FMN2: variants seen among roughly 807,000 people sequenced by gnomAD.
FMN2 encodes the protein formin 2.
Under a neutral mutation model 142.3 loss-of-function variants are expected in FMN2, and 51 were observed. That is an observed-to-expected ratio of 0.36 (90% CI 0.29 to 0.45). The LOEUF (loss-of-function observed/expected upper bound fraction) is 0.45. Ranked by LOEUF, FMN2 falls within the 20% of genes least tolerant of loss-of-function variation. The probability of loss-of-function intolerance (pLI) is 1.00; values close to 1 mark genes in which losing one functional copy is unlikely to be tolerated. For synonymous variants in FMN2, 882 were observed against 869.8 expected (o/e 1.01, Z -0.25); for missense variants, 1,936 against 2,122.8 (o/e 0.91, Z 1.73).
chr1:240,208,532 A>G lies in FMN2; in HGVS notation c.3720A>G (p.Val1240=). 1.2e-6 allele frequency: 2 copies of G among 1,611,994 alleles called. No individual in the cohort carries two copies. Among genetic ancestry groups the G allele is most frequent in the South Asian group, 1.1e-5 (1 of 90,942 alleles). Residue 1240 remains valine (V), a synonymous_variant, in exon 5 of 18, where the codon GTA becomes GTG. Transcript: ENST00000319653. ...TCCCACCGCCCCCTCTGCTTCCTGT[A>G]TCAGGCCCTCCACTCCTCCCACAAG... ...TGIPPPPLLP[V]SGPPLLPQVG...
chr1:240,107,161 C>A (rs1021284085), intron 1 of FMN2, among the ~76,000 whole-genome samples: 3 of 151,818 alleles, frequency 2.0e-5, no homozygotes, highest in African/African-American at 7.3e-5. Flanking sequence ...GGAAGCCATC[C>A]CTTACAGAAT....
In FMN2 at chr1:240,474,941, TCTTA is replaced by T. The variant is rs2103254037; in HGVS notation, c.*791_*794del. On this transcript the variant is annotated 3_prime_UTR_variant, in exon 18 of 18. Transcript: ENST00000319653. ...GTTTGTATTTATGTAAAGTATGGTCTCTTACTTTTTAGTTTGTAGTTTAAGTGCA... is the reference window on the plus strand; with the variant it reads ...GTTTGTATTTATGTAAAGTATGGTCTCTTTTTAGTTTGTAGTTTAAGTGCA... 1 of 152,648 alleles carries T rather than the reference TCTTA, an allele frequency of 6.6e-6. No homozygotes were observed. The highest frequency in any genetic ancestry group is 1.9e-4 in the East Asian group (1 of 5,202). 9.5% of individuals were successfully genotyped at this position (152,648 alleles called of 1,614,324 possible).
At chr1:240,445,542 T>A (rs1675776102) in intron 16 of FMN2, among the ~76,000 whole-genome samples, 1 of 152,032 alleles carries the variant, frequency 6.6e-6, no homozygotes, top group African/African-American at 2.4e-5. Flanking sequence ...ATGGTAAGGA[T>A]GTTCACGGCA....
chr1:240,402,823 A>C lies in FMN2; in HGVS notation c.4910+10261A>C, dbSNP rs145726836. Reference sequence around the variant, plus strand: ...CCTTTATATTTAAATTTAAAAAATAATGAGACTGGGAATGATAAAATCTGC... The same window carrying C: ...CCTTTATATTTAAATTTAAAAAATACTGAGACTGGGAATGATAAAATCTGC... On this transcript the variant is annotated intron_variant, in intron 15 of 17. Coordinates refer to ENST00000319653, the MANE Select transcript of FMN2 (RefSeq NM_020066.5). Among the ~76,000 whole-genome samples the C allele has an allele frequency of 1.0e-3, 155 of 152,358 alleles. 1 individual carries two copies. The highest frequency in any genetic ancestry group is 2.0e-3 in the Non-Finnish European group (135 of 68,036).
chr1:240,432,533 A>G (rs1057136352), intron 15 of FMN2, among the ~76,000 whole-genome samples: 10 of 151,780 alleles, frequency 6.6e-5, no homozygotes, highest in South Asian at 2.1e-4. Flanking sequence ...TTCTTCTACT[A>G]AGTTGGGTTT....
Position 240,207,611 on chromosome 1 carries a change from TCTGCCCCCTCTAC to T in FMN2, c.2801_2813del (p.Leu934ProfsTer337). 1 of 1,561,444 alleles carries T rather than the reference TCTGCCCCCTCTAC, an allele frequency of 6.4e-7. No individual in the cohort carries two copies. Among genetic ancestry groups the T allele is most frequent in the African/African-American group, 1.5e-5 (1 of 65,260 alleles). On this transcript the variant is annotated frameshift_variant, in exon 5 of 18. Transcript: ENST00000319653. LOFTEE classifies it high-confidence loss of function. ...CTCTACCCGGAGCAGGCATACTCCC[TCTGCCCCCTCTAC>T]CCGGAGCGGGAATACCTCCTCCGCC...
At chr1:240,359,931 A>G (rs1558451764) in intron 14 of FMN2, among the ~76,000 whole-genome samples, 1 of 152,204 alleles carries the variant, frequency 6.6e-6, no homozygotes, top group Admixed American at 6.5e-5. Flanking sequence ...ACCTAGAACA[A>G]TGCACAGTAT....
intron 6 of FMN2, among the ~76,000 whole-genome samples, chr1:240,229,596 G>T (rs1045241947): frequency 6.6e-6 from 1 of 152,146 alleles, no homozygotes; most frequent in African/African-American, 2.4e-5. Context: ...TTCATGTGAT[G>T]ATGCGCCAGG....
At chr1:240,465,435 T>C (rs1676584930) in intron 16 of FMN2, among the ~76,000 whole-genome samples, 1 of 151,980 alleles carries the variant, frequency 6.6e-6, no homozygotes, top group South Asian at 2.1e-4. Flanking sequence ...AAAAAAGCTT[T>C]AAATTTCTTA....
Position 240,427,153 on chromosome 1 carries a change from T to G in FMN2, c.4911-10908T>G, listed in dbSNP as rs1674970655. On this transcript the variant is annotated intron_variant, in intron 15 of 17. Coordinates refer to ENST00000319653, the MANE Select transcript of FMN2 (RefSeq NM_020066.5). ...ATTGTTCAAAAATTCAATTAGTTCA[T>G]GTATGTTACAACTGATTTTATATAT... Among the ~76,000 whole-genome samples the G allele has an allele frequency of 2.7e-5, 4 of 149,436 alleles. 1 individual carries two copies. The highest frequency in any genetic ancestry group is 2.7e-4 in the Admixed American group (4 of 15,050).
At chr1:240,415,788 A>G (rs1234955427) in intron 15 of FMN2, among the ~76,000 whole-genome samples, 1 of 152,200 alleles carries the variant, frequency 6.6e-6, no homozygotes, top group Non-Finnish European at 1.5e-5. Context: ...TCATATGAGT[A>G]AGGATGTGAT....
chr1:240,143,896 A>G (rs1663306830), intron 2 of FMN2: 4 of 1,582,518 alleles, frequency 2.5e-6, no homozygotes, highest in African/African-American at 1.3e-5. Context: ...GGACATCTTC[A>G]TGATTTGAGC....
intron 13 of FMN2, among the ~76,000 whole-genome samples, chr1:240,341,952 C>T (rs1671759208): frequency 6.6e-6 from 1 of 152,206 alleles, no homozygotes; most frequent in African/African-American, 2.4e-5. Context: ...TTTTCATCCT[C>T]TTTGCATGAG....
intron 4 of FMN2, among the ~76,000 whole-genome samples, chr1:240,205,372 T>C (rs530120334): frequency 6.6e-6 from 1 of 152,258 alleles, no homozygotes; most frequent in East Asian, 1.9e-4. Context: ...TTTGTCTTCC[T>C]TTCTCTCTAT....
intron 4 of FMN2, among the ~76,000 whole-genome samples, chr1:240,198,519 A>G (rs1666006671): frequency 6.6e-6 from 1 of 152,132 alleles, no homozygotes; most frequent in Non-Finnish European, 1.5e-5. Context: ...TTCATCATGT[A>G]TTTTATACTA....
intron 13 of FMN2, among the ~76,000 whole-genome samples, chr1:240,336,957 T>G (rs1264555162): frequency 6.6e-6 from 1 of 152,002 alleles, no homozygotes; most frequent in Non-Finnish European, 1.5e-5. Context: ...GGAAATCTTA[T>G]GGACTGAAAT....
chr1:240,334,345 G>A (rs1572204649), intron 13 of FMN2, 116 bp downstream of exon 13: 3 of 1,196,930 alleles, frequency 2.5e-6, no homozygotes, highest in South Asian at 2.2e-5. Context: ...AACTAAATTT[G>A]TGTGTGTGTG....
chr1:240,275,807 A>G (rs1398167045), intron 7 of FMN2, among the ~76,000 whole-genome samples: 1 of 152,106 alleles, frequency 6.6e-6, no homozygotes, highest in East Asian at 1.9e-4. Flanking sequence ...ATAGTGTCTC[A>G]CTGTGGTTTT....
chr1:240,444,036 G>A (rs144791860), intron 16 of FMN2, among the ~76,000 whole-genome samples: 1 of 152,124 alleles, frequency 6.6e-6, no homozygotes, highest in African/African-American at 2.4e-5. Flanking sequence ...CTGATTGAGA[G>A]GCTATGGTCT....
Sources: allele counts gnomAD v4.1 joint callset (sites outside exome capture counted in the v4.1 genomes callset), GRCh38; gene constraint gnomAD v4.1.1; transcripts MANE v1.5; gene names NCBI Gene and HGNC (gene_info 2026-07-23, HGNC 2026-07-21).